TPH1: variants seen among roughly 807,000 people sequenced by gnomAD.
TPH1 encodes the protein tryptophan hydroxylase 1, also known as tryptophan 5-hydroxylase 1.
In TPH1, 37 loss-of-function variants were observed where a neutral mutation model predicts 49.5. The ratio of observed to expected loss-of-function variants is 0.75; its 90% CI spans 0.58 to 0.98. The LOEUF is 0.98. Ranked by LOEUF, TPH1 falls within the 50% of genes least tolerant of loss-of-function variation. TPH1 has a pLI of 0.00. For missense variants in TPH1, 487 were observed against 523.6 expected, an observed-to-expected ratio of 0.93 and a Z score of 0.68; for synonymous variants, 160 against 182.1, an observed-to-expected ratio of 0.88 and a Z score of 0.98.
chr11:18,024,092 C>T (rs1278396725), intron 8 of TPH1, 109 bp from the exon 9 acceptor site: 2 of 789,554 alleles, frequency 2.5e-6, no homozygotes, highest in East Asian at 2.6e-5. Context: ...TCCAAAATCC[C>T]AGTCTAGTTC....
At chr11:18,022,061 C>A (rs572419783) in intron 10 of TPH1, among the ~76,000 whole-genome samples, 1 of 152,322 alleles carries the variant, frequency 6.6e-6, no homozygotes, top group South Asian at 2.1e-4. Flanking sequence ...TGACTTCAAC[C>A]CCTATCGATC....
In TPH1 at chr11:18,019,540, AT is replaced by A; in HGVS notation, c.*1450del. 2.4e-6 allele frequency: 1 copy of A among 420,726 alleles called. No homozygotes were observed. The highest frequency in any genetic ancestry group is 1.8e-5 in the South Asian group (1 of 56,160). 26.1% of individuals were successfully genotyped at this position (420,726 alleles called of 1,614,324 possible). The stretch of plus-strand genomic sequence containing the variant: ...ACAGCATTGGCCTAAATTATGAGAC[AT>A]CTACATAGACATCCAGGAGTTCGTT... On this transcript the variant is annotated 3_prime_UTR_variant, in exon 11 of 11. Coordinates refer to ENST00000682019, the MANE Select transcript of TPH1 (RefSeq NM_004179.3).
chr11:18,018,843 G>A lies in TPH1; in HGVS notation c.*2148C>T, dbSNP rs1354267834. ...ATGATTCTTCACCGTTATCAAAGTT[G>A]TATGAAAATAACCACATATAGTATG... On this transcript the variant is annotated 3_prime_UTR_variant, in exon 11 of 11. Transcript: ENST00000682019. 1 of 151,878 alleles carries A rather than the reference G, an allele frequency of 6.6e-6. No homozygotes were observed. Among genetic ancestry groups the A allele is most frequent in the Non-Finnish European group, 1.5e-5 (1 of 67,992 alleles). 9.4% of individuals were successfully genotyped at this position (151,878 alleles called of 1,614,324 possible).
At chr11:18,021,344 CA>C (rs1854359909) in intron 10 of TPH1, among the ~76,000 whole-genome samples, 179 bp from the exon 11 acceptor site, 1 of 152,172 alleles carries the variant, frequency 6.6e-6, no homozygotes, top group Non-Finnish European at 1.5e-5. Flanking sequence ...GAATCCCACA[CA>C]AGTGGGAAAC....
intron 2 of TPH1, among the ~76,000 whole-genome samples, chr11:18,036,920 A>G (rs1848052484): frequency 2.0e-5 from 3 of 152,250 alleles, no homozygotes; most frequent in Admixed American, 1.3e-4. Flanking sequence ...GGAATTTAGA[A>G]TCTAGTTGGT....
intron 4 of TPH1, 99 bp downstream of exon 4, chr11:18,033,175 C>T (rs1229529948): frequency 1.1e-5 from 10 of 926,706 alleles, no homozygotes; most frequent in Non-Finnish European, 1.8e-5. Context: ...ATCACTTGAA[C>T]CCAAGAAGCA....
chr11:18,028,682 T>G (rs968766198), intron 6 of TPH1, among the ~76,000 whole-genome samples: 1 of 152,212 alleles, frequency 6.6e-6, no homozygotes, highest in African/African-American at 2.4e-5. Context: ...TATCCTTCAA[T>G]GTGGTGCCCA....
intron 8 of TPH1, among the ~76,000 whole-genome samples, chr11:18,024,626 G>A (rs761832127): frequency 1.3e-5 from 2 of 152,068 alleles, no homozygotes; most frequent in Admixed American, 6.5e-5. Context: ...AAAGTTCAAC[G>A]GCAATGTGGA....
intron 9 of TPH1, among the ~76,000 whole-genome samples, chr11:18,023,370 A>G (rs2134025432): frequency 6.6e-6 from 1 of 152,318 alleles, no homozygotes; most frequent in Non-Finnish European, 1.5e-5. Flanking sequence ...TGAATAAATA[A>G]TAAATCTCAA....
In TPH1 at chr11:18,018,916, AT is replaced by A. The variant is rs1428127894; in HGVS notation, c.*2074del. Reference sequence around the variant, plus strand: ...CTATTTTTTAATTTCCTTTTTCTACATGTTCTAAGATTTGCTTTTTTTAATT... The same window carrying A: ...CTATTTTTTAATTTCCTTTTTCTACAGTTCTAAGATTTGCTTTTTTTAATT... On this transcript the variant is annotated 3_prime_UTR_variant, in exon 11 of 11. Coordinates refer to ENST00000682019, the MANE Select transcript of TPH1 (RefSeq NM_004179.3). The A allele has an allele frequency of 2.0e-5, 3 of 151,750 alleles. No homozygotes were observed. Among genetic ancestry groups the A allele is most frequent in the African/African-American group, 7.3e-5 (3 of 41,318 alleles). The allele number at this position is 151,750 out of a possible 1,614,324, so 9.4% of individuals were successfully genotyped here.
intron 6 of TPH1, among the ~76,000 whole-genome samples, chr11:18,028,277 T>TTA (rs1847949929): frequency 6.6e-6 from 1 of 152,350 alleles, no homozygotes; most frequent in South Asian, 2.1e-4. Context: ...CTTGCTAAAA[T>TTA]TATAAAATCT....
In TPH1 at chr11:18,033,300, C is replaced by G. The variant is rs867679438; in HGVS notation, c.376G>C (p.Gly126Arg). ...DHCANRVLMY[G>R]SELDADHPGF... ...GGATGGTCTGCATCTAGTTCAGATCCATACATCAGAACTCTGTTGGCACAA... is the reference window on the plus strand; with the variant it reads ...GGATGGTCTGCATCTAGTTCAGATCGATACATCAGAACTCTGTTGGCACAA... Residue 126 changes from glycine (G) to arginine (R), a missense_variant, in exon 4 of 11, where the codon GGA becomes CGA. By Grantham distance (125) the Gly-to-Arg change is moderately radical. Coordinates refer to ENST00000682019, the MANE Select transcript of TPH1 (RefSeq NM_004179.3). 6.2e-7 allele frequency: 1 copy of G among 1,613,608 alleles called. No homozygotes were observed. Among genetic ancestry groups the G allele is most frequent in the Non-Finnish European group, 8.5e-7 (1 of 1,179,568 alleles).
chr11:18,033,861 C>T (rs1435321982), intron 3 of TPH1, among the ~76,000 whole-genome samples: 1 of 152,188 alleles, frequency 6.6e-6, no homozygotes, highest in Non-Finnish European at 1.5e-5. Flanking sequence ...TTTATAAATG[C>T]TACTTTTCTG....
chr11:18,029,663 G>A (rs1239240183), intron 4 of TPH1, 84 bp from the exon 5 acceptor site: 1 of 1,097,884 alleles, frequency 9.1e-7, no homozygotes, highest in Non-Finnish European at 1.4e-6. Flanking sequence ...ATTATTACTA[G>A]AGCTATTATA....
intron 2 of TPH1, among the ~76,000 whole-genome samples, chr11:18,038,946 T>A (rs1162792151): frequency 6.6e-6 from 1 of 152,086 alleles, no homozygotes; most frequent in Non-Finnish European, 1.5e-5. Flanking sequence ...TCATTGTTCA[T>A]AATAGAAAGT....
chr11:18,020,790 T>G lies in TPH1; in HGVS notation c.*201A>C. 2 of 547,282 alleles carry G rather than the reference T, an allele frequency of 3.7e-6. No homozygotes were observed. The highest frequency in any genetic ancestry group is 3.2e-5 in the East Asian group (1 of 31,582). 33.9% of individuals were successfully genotyped at this position (547,282 alleles called of 1,614,324 possible). A position where few individuals can be genotyped will look rare whatever the true frequency, so the allele number is the denominator to read the frequency against. On this transcript the variant is annotated 3_prime_UTR_variant, in exon 11 of 11. Transcript: ENST00000682019. ...AGCTGCTACCAAAAAAAAAAAGAAATAAAACTAAACAAAAAAATAAGTGGT... is the reference window on the plus strand; with the variant it reads ...AGCTGCTACCAAAAAAAAAAAGAAAGAAAACTAAACAAAAAAATAAGTGGT...
At chr11:18,040,222 T>C (rs1848086442) in intron 2 of TPH1, among the ~76,000 whole-genome samples, 1 of 148,746 alleles carries the variant, frequency 6.7e-6, no homozygotes, top group Non-Finnish European at 1.5e-5. Flanking sequence ...CTGTAAATTG[T>C]TTGTATCCCT....
intron 3 of TPH1, among the ~76,000 whole-genome samples, chr11:18,035,595 G>GT (rs1166368431): frequency 6.6e-6 from 1 of 151,548 alleles, no homozygotes; most frequent in East Asian, 1.9e-4. Flanking sequence ...CACCTGGCTA[G>GT]TTTTTGTATT....
chr11:18,023,279 T>C (rs1319252723), intron 9 of TPH1: 1 of 240,852 alleles, frequency 4.2e-6, no homozygotes, highest in Non-Finnish European at 8.2e-6. Context: ...CACCATCAAG[T>C]GCTCCCTGAA....
Sources: gnomAD v4.1 joint callset for allele counts (sites outside exome capture counted in the v4.1 genomes callset) on GRCh38, gnomAD v4.1.1 for gene constraint, MANE v1.5 for transcripts, NCBI Gene and HGNC (gene_info 2026-07-23, HGNC 2026-07-21) for gene names.